Variants in KIDINS220 observed in about 807,000 individuals in gnomAD.
The protein encoded by KIDINS220 is kinase D interacting substrate 220, also known as kinase D-interacting substrate of 220 kDa.
Under a neutral mutation model 157.6 loss-of-function variants are expected in KIDINS220, and 63 were observed. That is an observed-to-expected ratio of 0.40 (90% CI 0.33 to 0.49). KIDINS220 has a LOEUF of 0.49. Among genes scored for constraint, KIDINS220 ranks in the 20% least tolerant of loss-of-function variants. The pLI is 0.66. For synonymous variants in KIDINS220, 732 were observed against 783.6 expected, an observed-to-expected ratio of 0.93 and a Z score of 1.10; for missense variants, 1,772 against 2,171.2, an observed-to-expected ratio of 0.82 and a Z score of 3.65.
Position 8,730,979 on chromosome 2 carries a change from T to A in KIDINS220, c.5057A>T (p.Asn1686Ile), listed in dbSNP as rs1240558244. 1 of 1,614,238 alleles carries A rather than the reference T, an allele frequency of 6.2e-7. No individual in the cohort carries two copies. The highest frequency in any genetic ancestry group is 1.7e-5 in the Admixed American group (1 of 60,034). ...TCTGTTGGCTGGAGCACTATTGTTG[T>A]TCAGAGTCACGGTGCTGGGAGTTCG... Reference protein sequence around the residue: ...LNRTPSTVTLNNNSAPANRAN... With the variant: ...LNRTPSTVTLINNSAPANRAN... Residue 1686 changes from asparagine (N) to isoleucine (I), a missense_variant, in exon 30 of 30, where the codon AAC (asparagine) becomes ATC (isoleucine). Around this residue, in one of 3 missense-constraint regions of KIDINS220, gnomAD observed 793 missense variants for 885.5 expected, o/e 0.90. Transcript: ENST00000256707.
chr2:8,774,245 G>A (rs550819851), intron 21 of KIDINS220, among the ~76,000 whole-genome samples: 5 of 148,918 alleles, frequency 3.4e-5, no homozygotes, highest in Non-Finnish European at 7.4e-5. Flanking sequence ...GCAGTGAGCC[G>A]AGATCATGCC....
intron 11 of KIDINS220, among the ~76,000 whole-genome samples, chr2:8,794,514 T>A (rs150726802): frequency 1.3e-5 from 2 of 152,328 alleles, no homozygotes; most frequent in East Asian, 1.9e-4. Flanking sequence ...CTCATCACTC[T>A]ACATTCTCCA....
chr2:8,813,323 C>G lies in KIDINS220; in HGVS notation c.319G>C (p.Ala107Pro), dbSNP rs763900964. The G allele has an allele frequency of 6.2e-7, 1 of 1,611,572 alleles. No individual in the cohort carries two copies. The highest frequency in any genetic ancestry group is 8.5e-7 in the Non-Finnish European group (1 of 1,179,000). Reference sequence around the variant, plus strand: ...CCTTTGTAACATGCCCACATAAGAGCTGTCCATCCTCCCTAAACAAAAAAT... The same window carrying G: ...CCTTTGTAACATGCCCACATAAGAGGTGTCCATCCTCCCTAAACAAAAAAT... ...LEHRDMGGWT[A>P]LMWACYKGRT... is the part of the protein sequence containing the mutation. Residue 107 changes from alanine (A) to proline (P), a missense_variant, in exon 5 of 30, where the codon GCT (alanine) becomes CCT (proline). By Grantham distance (27) the Ala-to-Pro change is conservative. This residue lies in a region of KIDINS220 where 254 missense variants were observed against 268.6 expected (regional missense o/e 0.95). Transcript: ENST00000256707.
chr2:8,745,954 T>A (rs1413382486), intron 26 of KIDINS220, among the ~76,000 whole-genome samples: 4 of 152,022 alleles, frequency 2.6e-5, no homozygotes, highest in African/African-American at 7.2e-5. Flanking sequence ...TAACATAGTC[T>A]GTAAATAAAA....
chr2:8,814,164 G>C (rs1676722355), intron 4 of KIDINS220, among the ~76,000 whole-genome samples: 1 of 152,104 alleles, frequency 6.6e-6, no homozygotes, highest in African/African-American at 2.4e-5. Flanking sequence ...AAAGTCATCA[G>C]GTATGAATCA....
intron 20 of KIDINS220, among the ~76,000 whole-genome samples, chr2:8,777,186 T>C (rs1671083121): frequency 6.6e-6 from 1 of 152,214 alleles, no homozygotes; most frequent in Admixed American, 6.5e-5. Flanking sequence ...GTAGGCAGAA[T>C]TGTGTAAAGA....
rs750819921 is a variant in KIDINS220 at position 8,747,166 on chromosome 2, A to G, written c.3564T>C (p.Ser1188=). The part of the protein sequence containing the change: ...VIKEDAAEGL[S]SPTDSSRGSG... ...TTACCCTCGAGGAGTCTGTGGGTGA[A>G]GAAAGCCCCTCAGCAGCATCCTCCT... Residue 1188 remains serine, a synonymous_variant, in exon 26 of 30, where the codon TCT becomes TCC. Coordinates refer to ENST00000256707, the MANE Select transcript of KIDINS220 (RefSeq NM_020738.4). 1.1e-5 allele frequency: 17 copies of G among 1,614,062 alleles called. No individual in the cohort carries two copies. The East Asian group carries it at 2.7e-4, about 25-fold the overall frequency.
chr2:8,734,572 C>T, intron 28 of KIDINS220, 83 bp downstream of exon 28: 1 of 991,254 alleles, frequency 1.0e-6, no homozygotes, highest in Non-Finnish European at 1.5e-6. Context: ...CTTATTGATA[C>T]TGGTTTTCTA....
intron 6 of KIDINS220, among the ~76,000 whole-genome samples, chr2:8,808,435 T>C (rs181555342): frequency 1.3e-5 from 2 of 152,350 alleles, no homozygotes; most frequent in Admixed American, 6.5e-5. Context: ...TCCACGATTA[T>C]ATGCTATGAT....
chr2:8,749,312 T>C (rs2148042813), intron 24 of KIDINS220: 2 of 426,664 alleles, frequency 4.7e-6, no homozygotes, highest in South Asian at 1.7e-5. Flanking sequence ...AACTAGGTCC[T>C]ATGTTTTCTC....
chr2:8,832,027 G>T (rs184822963), intron 1 of KIDINS220, among the ~76,000 whole-genome samples: 2 of 152,082 alleles, frequency 1.3e-5, no homozygotes, highest in Admixed American at 1.3e-4. Context: ...TTGCCTTTTC[G>T]TTAAGATTTT....
intron 1 of KIDINS220, among the ~76,000 whole-genome samples, chr2:8,828,431 C>T (rs765295187): frequency 1.3e-5 from 2 of 152,232 alleles, no homozygotes; most frequent in Non-Finnish European, 2.9e-5. Flanking sequence ...CAAAAAATGA[C>T]ATATTGTTCA....
intron 28 of KIDINS220, 60 bp downstream of exon 28, chr2:8,734,595 T>C: frequency 8.5e-7 from 1 of 1,179,306 alleles, no homozygotes; most frequent in South Asian, 1.3e-5. Flanking sequence ...ATGTTATAAA[T>C]AATTTTGAAT....
At position 8,789,283 on chromosome 2, in the gene KIDINS220, A is replaced by ATT. The variant is rs70946384; in HGVS notation, c.1622-473_1622-472dup. Among the ~76,000 whole-genome samples, 302 of 109,018 alleles carry ATT rather than the reference A, an allele frequency of 2.8e-3. 1 individual carries two copies. Among genetic ancestry groups the ATT allele is most frequent in the East Asian group, 4.2e-3 (17 of 4,042 alleles). The allele number at this position is 109,018 out of a possible 152,430, so 71.5% of individuals were successfully genotyped here. On this transcript the variant is annotated intron_variant, in intron 14 of 29. Coordinates refer to ENST00000256707, the MANE Select transcript of KIDINS220 (RefSeq NM_020738.4). Reference sequence around the variant, plus strand: ...TTGAAGCCTTCTTTTCAGAAAAAGAATTTTTTTTTTTTTTTTTTTTTTGAG... The same window carrying ATT: ...TTGAAGCCTTCTTTTCAGAAAAAGAATTTTTTTTTTTTTTTTTTTTTTTTGAG...
Position 8,729,682 on chromosome 2 carries a change from G to A in KIDINS220, c.*1038C>T. On this transcript the variant is annotated 3_prime_UTR_variant, in exon 30 of 30. Coordinates refer to ENST00000256707, the MANE Select transcript of KIDINS220 (RefSeq NM_020738.4). Reference sequence around the variant, plus strand: ...TATGATCCTTCCCCAGAACTAACATGCTGACTTAGGAACAGATGAAGTAGA... The same window carrying A: ...TATGATCCTTCCCCAGAACTAACATACTGACTTAGGAACAGATGAAGTAGA... The A allele has an allele frequency of 2.0e-6, 2 of 984,802 alleles. No homozygotes were observed. The highest frequency in any genetic ancestry group is 9.4e-5 in the South Asian group (2 of 21,254). 61.0% of individuals were successfully genotyped at this position (984,802 alleles called of 1,614,324 possible). A position where few individuals can be genotyped will look rare whatever the true frequency, so the allele number is the denominator to read the frequency against.
chr2:8,740,181 A>C (rs1024602305), intron 26 of KIDINS220: 1 of 984,064 alleles, frequency 1.0e-6, no homozygotes, highest in Non-Finnish European at 1.2e-6. Flanking sequence ...CCAGAGTCAC[A>C]CAGCTTTAAG....
intron 22 of KIDINS220, among the ~76,000 whole-genome samples, chr2:8,752,817 G>GA (rs1291627777): frequency 6.6e-6 from 1 of 151,926 alleles, no homozygotes; most frequent in Non-Finnish European, 1.5e-5. Context: ...AAACAGACAG[G>GA]AAAAAACATA....
intron 17 of KIDINS220, 111 bp downstream of exon 17, chr2:8,785,630 A>C (rs1432077318): frequency 2.2e-6 from 2 of 928,266 alleles, no homozygotes; most frequent in East Asian, 2.5e-5. Flanking sequence ...TTAAACTAAA[A>C]TAAATGCAAC....
intron 12 of KIDINS220, among the ~76,000 whole-genome samples, chr2:8,793,521 T>A (rs900344448): frequency 3.3e-5 from 5 of 151,966 alleles, no homozygotes; most frequent in African/African-American, 4.8e-5. Context: ...CTCACTGCAA[T>A]CTCCATCTCC....
Sources: allele counts gnomAD v4.1 joint callset (sites outside exome capture counted in the v4.1 genomes callset), GRCh38; gene constraint gnomAD v4.1.1; regional missense constraint gnomAD v4.1.1; transcripts MANE v1.5; gene names NCBI Gene and HGNC (gene_info 2026-07-23, HGNC 2026-07-21).